Variants in CHD9 observed in about 807,000 individuals in gnomAD.
The protein encoded by CHD9 is ATP-dependent chromatin remodeler CHD9.
In CHD9, 77 loss-of-function variants were observed where a neutral mutation model predicts 316.1. The observed-to-expected ratio is 0.24, with a 90% CI of 0.20 to 0.29. CHD9 has a LOEUF of 0.29. Ranked by LOEUF, CHD9 falls within the 10% of genes least tolerant of loss-of-function variation. CHD9 has a pLI of 1.00. For synonymous variants in CHD9, 1,129 were observed against 1,158.3 expected, an observed-to-expected ratio of 0.97 and a Z score of 0.51; for missense variants, 2,763 against 3,438.1, an observed-to-expected ratio of 0.80 and a Z score of 4.91.
At chr16:53,170,039 G>GTTTTTTTTTTTT (rs11434728) in intron 2 of CHD9, among the ~76,000 whole-genome samples, 1 of 145,938 alleles carries the variant, frequency 6.9e-6, no homozygotes, top group Non-Finnish European at 1.5e-5. Context: ...AGGTTAAGCA[G>GTTTTTTTTTTTT]TTTTTTTTTG....
chr16:53,086,042 A>AT (rs1214026881), intron 1 of CHD9, among the ~76,000 whole-genome samples: 1 of 152,188 alleles, frequency 6.6e-6, no homozygotes, highest in Non-Finnish European at 1.5e-5. Flanking sequence ...AGCAGAGAGC[A>AT]TTTGAGTTTG....
At chr16:53,178,122 A>G (rs1162894184) in intron 2 of CHD9, among the ~76,000 whole-genome samples, 1 of 152,198 alleles carries the variant, frequency 6.6e-6, no homozygotes, top group Non-Finnish European at 1.5e-5. Flanking sequence ...GACCTGGAGC[A>G]TGTTCCATAA....
chr16:53,113,365 T>C (rs1036469837), intron 1 of CHD9, among the ~76,000 whole-genome samples: 5 of 40,350 alleles, frequency 1.2e-4, no homozygotes, highest in Non-Finnish European at 4.3e-4. Context: ...ATCTTGGCAC[T>C]TTTTTTTTTT....
rs560604520 is a variant in CHD9 at position 53,209,931 on chromosome 16, G to A, written c.1784+118G>A. 40 of 705,118 alleles carry A rather than the reference G, an allele frequency of 5.7e-5. No homozygotes were observed. In the African/African-American group the frequency reaches 6.9e-4, roughly 12 times the overall value. The allele number at this position is 705,118 out of a possible 1,614,324, so 43.7% of individuals were successfully genotyped here. On this transcript the variant is annotated intron_variant, in intron 3 of 38. Coordinates refer to ENST00000447540, the MANE Select transcript of CHD9 (RefSeq NM_001308319.2). ...TCCCATATTTGAGTTTTAAATTGTT[G>A]GCTACTATGTGTGCTTTATTTCATT... is the stretch of plus-strand genomic sequence containing the variant.
chr16:53,108,830 G>T (rs560601738), intron 1 of CHD9, among the ~76,000 whole-genome samples: 2 of 151,780 alleles, frequency 1.3e-5, no homozygotes, highest in Non-Finnish European at 2.9e-5. Context: ...AGCTGAGATC[G>T]ATCCATTGCA....
intron 24 of CHD9, among the ~76,000 whole-genome samples, chr16:53,283,021 T>G (rs1274327744): frequency 6.6e-6 from 1 of 152,212 alleles, no homozygotes; most frequent in African/African-American, 2.4e-5. Context: ...CTTCTGAACT[T>G]TAGATCCACA....
At position 53,115,497 on chromosome 16, in the gene CHD9, G is replaced by A. The variant is rs553188150; in HGVS notation, c.-164-40429G>A. Among the ~76,000 whole-genome samples the A allele has an allele frequency of 7.2e-5, 11 of 152,318 alleles. No individual in the cohort carries two copies. In the East Asian group the frequency reaches 1.4e-3, roughly 19 times the overall value. On this transcript the variant is annotated intron_variant, in intron 1 of 38. Coordinates refer to ENST00000447540, the MANE Select transcript of CHD9 (RefSeq NM_001308319.2). The stretch of plus-strand genomic sequence containing the variant: ...TAGGTTCTATTATTTTGCCAGTAAT[G>A]GCCAAAATCGCAATTACTTTTGCAC...
intron 21 of CHD9, 110 bp downstream of exon 21, chr16:53,267,600 A>G (rs1287372128): frequency 3.9e-6 from 3 of 772,532 alleles, no homozygotes; most frequent in South Asian, 2.5e-5. Context: ...ATTAAAATTT[A>G]CTTTTAAAGT....
intron 26 of CHD9, 32 bp from the exon 27 acceptor site, chr16:53,287,925 A>G (rs1416859994): frequency 3.3e-6 from 5 of 1,524,694 alleles, no homozygotes; most frequent in African/African-American, 1.4e-5. Flanking sequence ...AGTCCATTAC[A>G]GTAATTATAG....
At chr16:53,146,972 T>C (rs1486541358) in intron 1 of CHD9, among the ~76,000 whole-genome samples, 1 of 151,952 alleles carries the variant, frequency 6.6e-6, no homozygotes, top group Admixed American at 6.6e-5. Flanking sequence ...GCATTCCCTC[T>C]CCCCCACCAA....
rs1445879236 is a variant in CHD9, at chr16:53,156,601, A to G, written c.512A>G (p.Gln171Arg). The G allele has an allele frequency of 6.2e-7, 1 of 1,613,998 alleles. No individual in the cohort carries two copies. The highest frequency in any genetic ancestry group is 1.7e-5 in the Admixed American group (1 of 60,024). ...DFALFQANEQ[Q>R]TQCTSLRSQQ... ...GCCTTATTTCAGGCCAATGAACAAC[A>G]AACACAGTGTACTTCACTACGCTCA... Residue 171 changes from glutamine (Q) to arginine (R), a missense_variant, in exon 2 of 39, where the codon CAA becomes CGA. Around this residue, in one of 15 missense-constraint regions of CHD9, gnomAD observed 859 missense variants for 890.4 expected, o/e 0.96. Coordinates refer to ENST00000447540, the MANE Select transcript of CHD9 (RefSeq NM_001308319.2).
chr16:53,111,105 G>A (rs2152615341), intron 1 of CHD9, among the ~76,000 whole-genome samples: 1 of 152,258 alleles, frequency 6.6e-6, no homozygotes, highest in South Asian at 2.1e-4. Context: ...GAGACTCATA[G>A]GCCTGGGTTC....
chr16:53,302,481 T>C (rs1555544030), intron 30 of CHD9, among the ~76,000 whole-genome samples: 2 of 152,234 alleles, frequency 1.3e-5, no homozygotes, highest in Non-Finnish European at 2.9e-5. Flanking sequence ...TGATGTTGAC[T>C]TTAATTGTGT....
At chr16:53,173,049 T>G (rs2042879346) in intron 2 of CHD9, among the ~76,000 whole-genome samples, 1 of 152,208 alleles carries the variant, frequency 6.6e-6, no homozygotes, top group Non-Finnish European at 1.5e-5. Context: ...GTGTTTTGTT[T>G]CATGTTTAAG....
chr16:53,063,130 T>C (rs1266471336), intron 1 of CHD9, among the ~76,000 whole-genome samples: 2 of 152,188 alleles, frequency 1.3e-5, no homozygotes, highest in East Asian at 1.9e-4. Flanking sequence ...CTAAGCACTT[T>C]CCATGCGTCA....
intron 1 of CHD9, among the ~76,000 whole-genome samples, chr16:53,055,502 CCAGAGACT>C (rs1217131008): frequency 6.6e-6 from 1 of 151,768 alleles, no homozygotes. Context: ...CCGCCCCCCC[CCAGAGACT>C]CAGATGTGAT....
intron 1 of CHD9, among the ~76,000 whole-genome samples, chr16:53,116,167 C>T (rs2038285092): frequency 6.6e-6 from 1 of 152,278 alleles, no homozygotes; most frequent in Non-Finnish European, 1.5e-5. Flanking sequence ...TTAAGCAGTT[C>T]TCCTGCCTGA....
intron 27 of CHD9, among the ~76,000 whole-genome samples, chr16:53,288,504 G>A (rs966033157): frequency 2.6e-5 from 4 of 152,150 alleles, no homozygotes; most frequent in African/African-American, 9.7e-5. Context: ...CTGTAGAGTG[G>A]GGAAAAGGAT....
intron 1 of CHD9, among the ~76,000 whole-genome samples, chr16:53,149,287 G>T (rs545801301): frequency 5.9e-5 from 9 of 152,182 alleles, no homozygotes; most frequent in Middle Eastern, 3.4e-3. Context: ...TTGTAGTGTT[G>T]TTCAAGTCCT....
Sources: allele counts gnomAD v4.1 joint callset (sites outside exome capture counted in the v4.1 genomes callset), GRCh38; gene constraint gnomAD v4.1.1; regional missense constraint gnomAD v4.1.1; transcripts MANE v1.5; gene names NCBI Gene and HGNC (gene_info 2026-07-23, HGNC 2026-07-21).